COG2: variants seen among roughly 807,000 people sequenced by gnomAD.
The protein encoded by COG2 is component of oligomeric golgi complex 2.
Under a neutral mutation model 90.6 loss-of-function variants are expected in COG2, and 52 were observed. The observed-to-expected ratio is 0.57, with a 90% confidence interval of 0.46 to 0.72. The LOEUF is 0.72. Among genes scored for constraint, COG2 ranks in the 30% least tolerant of loss-of-function variants. The probability of loss-of-function intolerance (pLI) is 0.00; values close to 1 mark genes in which losing one functional copy is unlikely to be tolerated. For missense variants in COG2, 829 were observed against 891.2 expected (o/e 0.93, Z 0.89); for synonymous variants, 337 against 320.4 (o/e 1.05, Z -0.55).
At chr1:230,647,758 T>C (rs1168129053) in intron 1 of COG2, among the ~76,000 whole-genome samples, 1 of 152,238 alleles carries the variant, frequency 6.6e-6, no homozygotes, top group African/African-American at 2.4e-5. Context: ...ATACTTTAAA[T>C]CACCTCTAGA....
chr1:230,693,878 C>CTG lies in COG2; in HGVS notation c.*492_*493dup, dbSNP rs1299471081. 2 of 152,314 alleles carry CTG rather than the reference C, an allele frequency of 1.3e-5. No homozygotes were observed. Among genetic ancestry groups the CTG allele is most frequent in the East Asian group, 3.8e-4 (2 of 5,198 alleles). The allele number at this position is 152,314 out of a possible 1,614,324, so 9.4% of individuals were successfully genotyped here. A position where few individuals can be genotyped will look rare whatever the true frequency, so the allele number is the denominator to read the frequency against. On this transcript the variant is annotated 3_prime_UTR_variant, in exon 18 of 18. Coordinates refer to ENST00000366669, the MANE Select transcript of COG2 (RefSeq NM_007357.3). ...TGCGGGAAGCCATCCTCCACTCCCACTGTGTGTGAGAGCAGTGCTTCTGAT... is the reference window on the plus strand; with the variant it reads ...TGCGGGAAGCCATCCTCCACTCCCACTGTGTGTGTGAGAGCAGTGCTTCTGAT...
At chr1:230,666,589 C>G (rs1662327863) in intron 5 of COG2, among the ~76,000 whole-genome samples, 1 of 152,176 alleles carries the variant, frequency 6.6e-6, no homozygotes, top group African/African-American at 2.4e-5. Flanking sequence ...TGCTCCTTGC[C>G]ACTTCTGTAT....
intron 17 of COG2, chr1:230,691,765 T>G: frequency 1.9e-6 from 1 of 538,726 alleles, no homozygotes; most frequent in East Asian, 3.1e-5. Flanking sequence ...ATTCCCGTTT[T>G]GAAGTCTGGT....
chr1:230,660,731 G>C, intron 2 of COG2, 27 bp from the exon 3 acceptor site: 1 of 1,540,228 alleles, frequency 6.5e-7, no homozygotes, highest in Non-Finnish European at 8.8e-7. Flanking sequence ...TGTGAGGTGT[G>C]TGTGCCAACA....
At chr1:230,679,218 G>T in intron 10 of COG2, 166 bp downstream of exon 10, 1 of 610,442 alleles carries the variant, frequency 1.6e-6, no homozygotes, top group African/African-American at 1.9e-5. Flanking sequence ...TATTATGGTT[G>T]CCAAAGTCTG....
intron 13 of COG2, among the ~76,000 whole-genome samples, chr1:230,687,343 G>A (rs1367015526): frequency 1.3e-5 from 2 of 152,194 alleles, no homozygotes; most frequent in African/African-American, 4.8e-5. Flanking sequence ...TTCTAAGGGT[G>A]TGCACTTCTC....
At chr1:230,665,751 A>G (rs779000688) in intron 5 of COG2, among the ~76,000 whole-genome samples, 3 of 152,098 alleles carry the variant, frequency 2.0e-5, no homozygotes, top group Non-Finnish European at 4.4e-5. Flanking sequence ...CGCTCATCAG[A>G]GTCCCCATCA....
At chr1:230,652,852 C>T (rs1661946937) in intron 1 of COG2, among the ~76,000 whole-genome samples, 1 of 152,056 alleles carries the variant, frequency 6.6e-6, no homozygotes, top group African/African-American at 2.4e-5. Context: ...CCCACCCCAG[C>T]TTTATTTAGG....
intron 1 of COG2, among the ~76,000 whole-genome samples, chr1:230,648,944 T>G (rs1396269008): frequency 2.0e-5 from 3 of 152,168 alleles, no homozygotes; most frequent in Non-Finnish European, 2.9e-5. Flanking sequence ...AGTGTTAAAC[T>G]GGGGTAAAAA....
At chr1:230,692,073 TAAG>T (rs1270028740) in intron 17 of COG2, among the ~76,000 whole-genome samples, 1 of 152,050 alleles carries the variant, frequency 6.6e-6, no homozygotes, top group Admixed American at 6.5e-5. Context: ...TATTATCACT[TAAG>T]AGGTGATATG....
rs551530789 is a variant in COG2 at position 230,662,471 on chromosome 1, A to G, written c.301-670A>G. ...TTTCCATTACTTTCATTTTGGCCCTAATTTCTGATTAATTCATTAGCTTCT... is the reference window on the plus strand; with the variant it reads ...TTTCCATTACTTTCATTTTGGCCCTGATTTCTGATTAATTCATTAGCTTCT... On this transcript the variant is annotated intron_variant, in intron 3 of 17. Coordinates refer to ENST00000366669, the MANE Select transcript of COG2 (RefSeq NM_007357.3). 3.3e-5 allele frequency among the ~76,000 whole-genome samples: 5 copies of G among 152,048 alleles called. No homozygotes were observed. The South Asian group carries it at 1.0e-3, about 32-fold the overall frequency.
chr1:230,646,046 T>A (rs1472938223), intron 1 of COG2, among the ~76,000 whole-genome samples: 1 of 152,000 alleles, frequency 6.6e-6, no homozygotes, highest in African/African-American at 2.4e-5. Flanking sequence ...TCCGGTGCCC[T>A]CTCCCTTCTC....
At position 230,688,538 on chromosome 1, in the gene COG2, C is replaced by A. The variant is rs1252627255; in HGVS notation, c.1770C>A (p.Pro590=). Residue 590 remains proline, a synonymous_variant, in exon 15 of 18, where the codon CCC becomes CCA. Transcript: ENST00000366669. ...TCCTAAAAAGCGCCCTGGAGGTTCC[C>A]AGGCTTTACCGAAGAACCAATAAGG... is the stretch of plus-strand genomic sequence containing the variant. ...FGFLKSALEV[P]RLYRRTNKEV... 6.2e-7 allele frequency: 1 copy of A among 1,614,058 alleles called. No homozygotes were observed.
chr1:230,652,804 C>T (rs6700774), intron 1 of COG2, among the ~76,000 whole-genome samples: 81,860 of 151,974 alleles, frequency 0.54, 22,798 homozygotes, highest in East Asian at 0.78. Flanking sequence ...TCAGATCTTT[C>T]GCTCATTTTA....
chr1:230,647,760 A>G (rs1219626730), intron 1 of COG2, among the ~76,000 whole-genome samples: 1 of 151,766 alleles, frequency 6.6e-6, no homozygotes, highest in Non-Finnish European at 1.5e-5. Flanking sequence ...ACTTTAAATC[A>G]CCTCTAGATT....
In COG2 at chr1:230,659,563, A is replaced by G. The variant is rs78286191; in HGVS notation, c.172A>G (p.Thr58Ala). The change falls in exon 2 of 18, where the codon ACA becomes GCA. Residue 58 changes from threonine (T) to alanine (A), a missense_variant. Coordinates refer to ENST00000366669, the MANE Select transcript of COG2 (RefSeq NM_007357.3). ...DLELYYKLLKTAMVELINKDY... is the reference protein window; with the variant it reads ...DLELYYKLLKAAMVELINKDY... ...GGAGCTCTACTATAAACTTCTTAAAACAGCCATGGTCGAACTCATCAACAA... is the reference window on the plus strand; with the variant it reads ...GGAGCTCTACTATAAACTTCTTAAAGCAGCCATGGTCGAACTCATCAACAA... The G allele has an allele frequency of 6.2e-6, 10 of 1,613,974 alleles. No individual in the cohort carries two copies. The highest frequency in any genetic ancestry group is 7.6e-6 in the Non-Finnish European group (9 of 1,180,000).
At chr1:230,662,707 C>G (rs1662208375) in intron 3 of COG2, among the ~76,000 whole-genome samples, 1 of 152,180 alleles carries the variant, frequency 6.6e-6, no homozygotes, top group Non-Finnish European at 1.5e-5. Context: ...TGCAGTACCC[C>G]CGGATGTATT....
chr1:230,663,665 A>G (rs1289010407), intron 4 of COG2, among the ~76,000 whole-genome samples: 1 of 152,214 alleles, frequency 6.6e-6, no homozygotes, highest in Non-Finnish European at 1.5e-5. Flanking sequence ...CTTTGTAACT[A>G]TTTATTTAAT....
At chr1:230,663,784 G>A (rs1662246820) in intron 4 of COG2, among the ~76,000 whole-genome samples, 1 of 152,100 alleles carries the variant, frequency 6.6e-6, no homozygotes, top group African/African-American at 2.4e-5. Flanking sequence ...ACGTTTATTG[G>A]TATATCATGC....
Sources: gnomAD v4.1 joint callset for allele counts (sites outside exome capture counted in the v4.1 genomes callset) on GRCh38, gnomAD v4.1.1 for gene constraint, MANE v1.5 for transcripts, NCBI Gene and HGNC (gene_info 2026-07-23, HGNC 2026-07-21) for gene names.